The following CD48 variants were observed in gnomAD, a reference collection of about 807,000 sequenced individuals.
The protein encoded by CD48 is CD48 molecule, also known as CD48 antigen.
CD48 carries 20 observed loss-of-function variants against 22.0 expected under a neutral mutation model. The observed-to-expected ratio is 0.91, with a 90% CI of 0.64 to 1.32. The LOEUF (loss-of-function observed/expected upper bound fraction) is 1.32. Among genes scored for constraint, CD48 ranks in the 40% most tolerant of loss-of-function variants. The probability of loss-of-function intolerance (pLI) is 0.00; values close to 1 mark genes in which losing one functional copy is unlikely to be tolerated. For synonymous variants in CD48, 110 were observed against 110.1 expected (o/e 1.00, Z 0.01); for missense variants, 307 against 286.5 (o/e 1.07, Z -0.52).
intron 1 of CD48, among the ~76,000 whole-genome samples, chr1:160,703,031 C>G (rs796891079): frequency 1.1e-4 from 17 of 152,098 alleles, no homozygotes; most frequent in African/African-American, 3.9e-4. Context: ...GTAATTTATC[C>G]CAAGCTCTCA....
chr1:160,684,084 GAATCCA>G (rs2102405896), intron 2 of CD48: 1 of 152,174 alleles, frequency 6.6e-6, no homozygotes, highest in East Asian at 1.9e-4. Context: ...AAAATGGCAG[GAATCCA>G]AATCCATAGG....
At position 160,682,497 on chromosome 1, in the gene CD48, GAGAGAAGGGA is replaced by G. The variant is rs1265262994; in HGVS notation, c.386-1039_386-1030del. On this transcript the variant is annotated intron_variant, in intron 2 of 3. Coordinates refer to ENST00000368046, the MANE Select transcript of CD48 (RefSeq NM_001778.4). ...AAGAAGAAAGAAAGGAAGAAAGAGA[GAGAGAAGGGA>G]AGAGAAGAGAGGAAAAAGAAAAAGA... Among the ~76,000 whole-genome samples the G allele has an allele frequency of 5.1e-5, 7 of 136,652 alleles. No homozygotes were observed. The Admixed American group carries it at 5.2e-4, about 10-fold the overall frequency. The allele number at this position is 136,652 out of a possible 152,430, so 89.6% of individuals were successfully genotyped here. A position where few individuals can be genotyped will look rare whatever the true frequency, so the allele number is the denominator to read the frequency against.
At chr1:160,709,201 G>T (rs183150077) in intron 1 of CD48, among the ~76,000 whole-genome samples, 2 of 152,164 alleles carry the variant, frequency 1.3e-5, no homozygotes, top group Non-Finnish European at 2.9e-5. Flanking sequence ...TTTTAGACAC[G>T]TGTCTGGAGA....
intron 1 of CD48, 45 bp from the exon 2 acceptor site, chr1:160,685,234 G>A (rs1178815509): frequency 6.8e-7 from 1 of 1,464,544 alleles, no homozygotes; most frequent in Non-Finnish European, 9.4e-7. Context: ...AGGAGGCAGT[G>A]TTGCTGACAG....
At chr1:160,683,148 G>C (rs1247950992) in intron 2 of CD48, among the ~76,000 whole-genome samples, 1 of 152,108 alleles carries the variant, frequency 6.6e-6, no homozygotes, top group African/African-American at 2.4e-5. Flanking sequence ...TTTTATCCTG[G>C]TTTTCACCAT....
intron 3 of CD48, chr1:160,680,676 G>A: frequency 2.0e-6 from 2 of 1,012,626 alleles, no homozygotes; most frequent in Non-Finnish European, 2.4e-6. Context: ...AGGCTGGGGA[G>A]GAGAAGCTTC....
chr1:160,705,057 T>C (rs1662750623), intron 1 of CD48, among the ~76,000 whole-genome samples: 1 of 152,220 alleles, frequency 6.6e-6, no homozygotes, highest in Admixed American at 6.5e-5. Context: ...AACTCAGTTG[T>C]ACTCTTCAAC....
intron 1 of CD48, among the ~76,000 whole-genome samples, chr1:160,691,171 G>C (rs984007547): frequency 1.3e-5 from 2 of 152,118 alleles, no homozygotes; most frequent in Non-Finnish European, 2.9e-5. Flanking sequence ...CGTGGGAAGG[G>C]AAAGACCTGA....
At chr1:160,695,235 T>C in intron 1 of CD48, among the ~76,000 whole-genome samples, 1 of 152,304 alleles carries the variant, frequency 6.6e-6, no homozygotes, top group Non-Finnish European at 1.5e-5. Context: ...CAACTATTTG[T>C]CAGACTTTTG....
At chr1:160,682,271 A>C (rs925968116) in intron 2 of CD48, among the ~76,000 whole-genome samples, 15 of 147,748 alleles carry the variant, frequency 1.0e-4, no homozygotes, top group African/African-American at 3.8e-4. Flanking sequence ...CAACATTGAG[A>C]GACTCAGTTT....
Position 160,706,940 on chromosome 1 carries a change from G to A in CD48, c.82+4742C>T, listed in dbSNP as rs1028759539. Reference sequence around the variant, plus strand: ...GGCTTCTTTGGTTTCCTCATATATTGAGAAAAATAAAAATAATAAAAACAA... The same window carrying A: ...GGCTTCTTTGGTTTCCTCATATATTAAGAAAAATAAAAATAATAAAAACAA... On this transcript the variant is annotated intron_variant, in intron 1 of 3. Transcript: ENST00000368046. Among the ~76,000 whole-genome samples the A allele has an allele frequency of 3.3e-5, 5 of 152,216 alleles. No individual in the cohort carries two copies. The South Asian group carries it at 8.3e-4, about 25-fold the overall frequency.
At chr1:160,709,256 C>T (rs140550739) in intron 1 of CD48, among the ~76,000 whole-genome samples, 219 of 152,272 alleles carry the variant, frequency 1.4e-3, no homozygotes, top group African/African-American at 5.0e-3. Flanking sequence ...ATCTTGGGCT[C>T]AGGAGACTGC....
chr1:160,680,141 C>A (rs6663667), intron 3 of CD48, among the ~76,000 whole-genome samples: 1 of 152,192 alleles, frequency 6.6e-6, no homozygotes, highest in African/African-American at 2.4e-5. Flanking sequence ...GCCAGAATCC[C>A]TGATGACTGG....
At chr1:160,679,232 G>T in intron 3 of CD48, 101 bp from the exon 4 acceptor site, 1 of 865,838 alleles carries the variant, frequency 1.2e-6, no homozygotes, top group Non-Finnish European at 1.9e-6. Flanking sequence ...AGCTCACAGA[G>T]CAGGGAAATT....
At chr1:160,700,654 C>T (rs936812311) in intron 1 of CD48, among the ~76,000 whole-genome samples, 4 of 152,126 alleles carry the variant, frequency 2.6e-5, no homozygotes, top group Non-Finnish European at 4.4e-5. Flanking sequence ...AATCCTGGCG[C>T]TGTGGAGATT....
At chr1:160,705,872 C>A (rs1662774893) in intron 1 of CD48, among the ~76,000 whole-genome samples, 1 of 152,110 alleles carries the variant, frequency 6.6e-6, no homozygotes, top group South Asian at 2.1e-4. Flanking sequence ...AACACTTGTC[C>A]AGTTGTGACA....
rs150552951 is a variant in CD48 at position 160,710,911 on chromosome 1, T to C, written c.82+771A>G. ...TTAAAGCCCTTTAAATTAAAAAGAC[T>C]TGAGTATTTACTTGGGGGAATAGCA... On this transcript the variant is annotated intron_variant, in intron 1 of 3. Coordinates refer to ENST00000368046, the MANE Select transcript of CD48 (RefSeq NM_001778.4). 8.0e-4 allele frequency among the ~76,000 whole-genome samples: 122 copies of C among 152,334 alleles called. 1 individual carries two copies. In the South Asian group the frequency reaches 0.017, roughly 21 times the overall value.
intron 2 of CD48, chr1:160,683,905 TC>T (rs1661899064): frequency 6.6e-6 from 1 of 152,050 alleles, no homozygotes. Flanking sequence ...CTGGAGCCCC[TC>T]CCCATATCCA....
chr1:160,710,462 A>G (rs767652665), intron 1 of CD48, among the ~76,000 whole-genome samples: 1 of 152,210 alleles, frequency 6.6e-6, no homozygotes, highest in Non-Finnish European at 1.5e-5. Flanking sequence ...AGGATAACAT[A>G]ATCAGGTGTG....
Sources: allele counts gnomAD v4.1 joint callset (sites outside exome capture counted in the v4.1 genomes callset), GRCh38; gene constraint gnomAD v4.1.1; transcripts MANE v1.5; gene names NCBI Gene and HGNC (gene_info 2026-07-23, HGNC 2026-07-21).